SLC22A24: variants seen among roughly 807,000 people sequenced by gnomAD.
SLC22A24 encodes solute carrier family 22 member 24.
Under a neutral mutation model 49.8 loss-of-function variants are expected in SLC22A24, and 53 were observed. The observed-to-expected ratio is 1.06, with a 90% CI of 0.85 to 1.34. SLC22A24 has a LOEUF of 1.34. SLC22A24 is among the 40% of genes most tolerant of loss of function. The probability of loss-of-function intolerance (pLI) is 0.00; values close to 1 mark genes in which losing one functional copy is unlikely to be tolerated. For synonymous variants in SLC22A24, 302 were observed against 256.4 expected (o/e 1.18, Z -1.70); for missense variants, 786 against 675.9 (o/e 1.16, Z -1.81).
chr11:63,084,616 A>G (rs766604916), intron 6 of SLC22A24, among the ~76,000 whole-genome samples: 8 of 152,130 alleles, frequency 5.3e-5, no homozygotes, highest in Non-Finnish European at 8.8e-5. Flanking sequence ...CAGGGAAAGG[A>G]GTCTGATTTG....
rs185422462 is a variant in SLC22A24 at position 63,113,093 on chromosome 11, T to C, written c.830+5819A>G. Among the ~76,000 whole-genome samples, 22 of 5,188 alleles carry C rather than the reference T, an allele frequency of 4.2e-3. 10 individuals carry two copies. Among genetic ancestry groups the C allele is most frequent in the African/African-American group, 6.2e-3 (20 of 3,214 alleles). 3.4% of individuals were successfully genotyped at this position (5,188 alleles called of 152,430 possible). ...ACATATATATACACATATATATACATATATATATACATATATATACACATA... is the reference window on the plus strand; with the variant it reads ...ACATATATATACACATATATATACACATATATATACATATATATACACATA... On this transcript the variant is annotated intron_variant, in intron 4 of 9. Transcript: ENST00000612278.
intron 1 of SLC22A24, among the ~76,000 whole-genome samples, chr11:63,138,958 T>G (rs929716301): frequency 4.6e-5 from 7 of 152,150 alleles, no homozygotes; most frequent in Admixed American, 4.6e-4. Context: ...TTAAAGCACC[T>G]AGGAGGTTAC....
chr11:63,127,342 TG>T (rs1277462081), intron 2 of SLC22A24, among the ~76,000 whole-genome samples: 1 of 152,344 alleles, frequency 6.6e-6, no homozygotes, highest in East Asian at 1.9e-4. Flanking sequence ...TATTCCATGG[TG>T]TATATGTGCC....
intron 6 of SLC22A24, among the ~76,000 whole-genome samples, chr11:63,090,016 G>C (rs532105816): frequency 1.3e-4 from 18 of 136,748 alleles, no homozygotes; most frequent in African/African-American, 4.6e-4. Context: ...AGGAGGCAGA[G>C]CTTGCAGAGA....
intron 4 of SLC22A24, among the ~76,000 whole-genome samples, chr11:63,109,573 T>G (rs1369046107): frequency 1.3e-5 from 2 of 148,888 alleles, no homozygotes; most frequent in African/African-American, 2.4e-5. Context: ...ATTGTGGTTT[T>G]GATTTGCATT....
chr11:63,105,324 A>C (rs2087114156), intron 4 of SLC22A24, among the ~76,000 whole-genome samples: 1 of 151,202 alleles, frequency 6.6e-6, no homozygotes, highest in Non-Finnish European at 1.5e-5. Flanking sequence ...TCCACTCAGC[A>C]GTGTACCAGT....
intron 4 of SLC22A24, among the ~76,000 whole-genome samples, chr11:63,111,525 T>G (rs369952315): frequency 6.0e-4 from 91 of 151,168 alleles, no homozygotes; most frequent in Middle Eastern, 3.4e-3. Flanking sequence ...CACAATTTCA[T>G]AGCCTGTTAT....
rs1435317910 is a variant in SLC22A24, at chr11:63,103,525, T to A, written c.954+650A>T. On this transcript the variant is annotated intron_variant, in intron 5 of 9. Transcript: ENST00000612278. ...GGTACACCCTGGTAGGCAATAAGCATTTTTAAAGGAATGAGTGAAAGAGTG... is the reference window on the plus strand; with the variant it reads ...GGTACACCCTGGTAGGCAATAAGCAATTTTAAAGGAATGAGTGAAAGAGTG... 2.0e-5 allele frequency among the ~76,000 whole-genome samples: 3 copies of A among 152,260 alleles called. No individual in the cohort carries two copies. In the East Asian group the frequency reaches 5.8e-4, roughly 29 times the overall value.
chr11:63,100,216 A>C (rs1259325328), intron 5 of SLC22A24, among the ~76,000 whole-genome samples: 2 of 152,210 alleles, frequency 1.3e-5, no homozygotes, highest in Non-Finnish European at 1.5e-5. Flanking sequence ...AAACAAATTT[A>C]GTAAAGTTGC....
chr11:63,113,057 T>TATATATAC lies in SLC22A24; in HGVS notation c.830+5854_830+5855insGTATATAT, dbSNP rs1565332034. 2.9e-3 allele frequency among the ~76,000 whole-genome samples: 6 copies of TATATATAC among 2,050 alleles called. 2 individuals are homozygous for TATATATAC. Among genetic ancestry groups the TATATATAC allele is most frequent in the African/African-American group, 3.4e-3 (6 of 1,766 alleles). 1.3% of individuals were successfully genotyped at this position (2,050 alleles called of 152,430 possible). A position where few individuals can be genotyped will look rare whatever the true frequency, so the allele number is the denominator to read the frequency against. On this transcript the variant is annotated intron_variant, in intron 4 of 9. Coordinates refer to ENST00000612278, the MANE Select transcript of SLC22A24 (RefSeq NM_001136506.2). ...AAAAATATATATATATATATATACA[T>TATATATAC]ATATATATATACATATATATACACA... is the stretch of plus-strand genomic sequence containing the variant.
At chr11:63,131,683 C>G (rs1313285318) in intron 2 of SLC22A24, among the ~76,000 whole-genome samples, 2 of 152,094 alleles carry the variant, frequency 1.3e-5, no homozygotes, top group South Asian at 4.2e-4. Flanking sequence ...GTGGGTAACC[C>G]CACCTTCATC....
At chr11:63,116,166 T>G (rs1221434169) in intron 4 of SLC22A24, 12 of 411,776 alleles carry the variant, frequency 2.9e-5, no homozygotes, top group Non-Finnish European at 4.2e-5. Flanking sequence ...ATTGTTGACC[T>G]GCATCTTCTT....
intron 2 of SLC22A24, among the ~76,000 whole-genome samples, chr11:63,129,088 C>G (rs557017071): frequency 3.3e-4 from 51 of 152,292 alleles, no homozygotes; most frequent in African/African-American, 1.2e-3. Flanking sequence ...TAGGTTTTCT[C>G]TAGGGCTTTT....
At chr11:63,089,813 G>A (rs999728166) in intron 6 of SLC22A24, among the ~76,000 whole-genome samples, 2 of 152,070 alleles carry the variant, frequency 1.3e-5, no homozygotes, top group Admixed American at 6.6e-5. Flanking sequence ...CGGCCGCGGT[G>A]GCTCACGTCT....
chr11:63,109,907 C>T (rs2087150192), intron 4 of SLC22A24, among the ~76,000 whole-genome samples: 1 of 152,032 alleles, frequency 6.6e-6, no homozygotes, highest in Non-Finnish European at 1.5e-5. Context: ...GTGTTTTAGA[C>T]ATGAGGTCCT....
At chr11:63,133,166 G>T (rs2087349307) in intron 2 of SLC22A24, among the ~76,000 whole-genome samples, 1 of 152,176 alleles carries the variant, frequency 6.6e-6, no homozygotes, top group Non-Finnish European at 1.5e-5. Context: ...CAAGACTGTG[G>T]GAAAAGTGCA....
In SLC22A24 at chr11:63,113,011, CAAAAAAAAAA is replaced by C. The variant is rs869264212; in HGVS notation, c.830+5891_830+5900del. Among the ~76,000 whole-genome samples, 61 of 12,026 alleles carry C rather than the reference CAAAAAAAAAA, an allele frequency of 5.1e-3. 7 individuals are homozygous for C. The highest frequency in any genetic ancestry group is 0.025 in the African/African-American group (58 of 2,336). 7.9% of individuals were successfully genotyped at this position (12,026 alleles called of 152,430 possible). A position where few individuals can be genotyped will look rare whatever the true frequency, so the allele number is the denominator to read the frequency against. On this transcript the variant is annotated intron_variant, in intron 4 of 9. Coordinates refer to ENST00000612278, the MANE Select transcript of SLC22A24 (RefSeq NM_001136506.2). ...GCCTGTGTGACAGCAGACTCTGTCT[CAAAAAAAAAA>C]AAAAAAAAAAAAAAATATATATATA...
intron 6 of SLC22A24, among the ~76,000 whole-genome samples, chr11:63,094,777 T>G (rs1484930532): frequency 2.0e-5 from 3 of 152,254 alleles, no homozygotes; most frequent in Non-Finnish European, 4.4e-5. Flanking sequence ...CATAAATGTC[T>G]TCTTTTGAGA....
At chr11:63,124,902 A>G (rs1338550895) in intron 2 of SLC22A24, among the ~76,000 whole-genome samples, 2 of 150,324 alleles carry the variant, frequency 1.3e-5, no homozygotes, top group South Asian at 2.2e-4. Flanking sequence ...GAATTGAACA[A>G]TGAGAACACA....
Sources: gnomAD v4.1 joint callset for allele counts (sites outside exome capture counted in the v4.1 genomes callset) on GRCh38, gnomAD v4.1.1 for gene constraint, MANE v1.5 for transcripts, NCBI Gene and HGNC (gene_info 2026-07-23, HGNC 2026-07-21) for gene names.